The following RUVBL2 variants were observed in gnomAD, a reference collection of about 807,000 sequenced individuals.
The protein encoded by RUVBL2 is ruvB-like 2.
RUVBL2 carries 9 observed loss-of-function variants against 57.9 expected under a neutral mutation model. The ratio of observed to expected loss-of-function variants is 0.16; its 90% CI spans 0.09 to 0.27. The LOEUF (loss-of-function observed/expected upper bound fraction) is 0.27. Ranked by LOEUF, RUVBL2 falls within the 10% of genes least tolerant of loss-of-function variation. RUVBL2 has a pLI of 1.00. For missense variants in RUVBL2, 456 were observed against 669.6 expected (o/e 0.68, Z 3.52); for synonymous variants, 278 against 264.6 (o/e 1.05, Z -0.49).
chr19:49,012,843 C>CCACACACACACA (rs58302006), intron 11 of RUVBL2, among the ~76,000 whole-genome samples: 2,563 of 141,818 alleles, frequency 0.018, 61 homozygotes, highest in African/African-American at 0.053. Flanking sequence ...TCAGTGCCCA[C>CCACACACACACA]CACACACACA....
Position 49,004,210 on chromosome 19 carries a change from C to T in RUVBL2, c.124-67C>T, listed in dbSNP as rs201387529. On this transcript the variant is annotated intron_variant, in intron 3 of 14. Transcript: ENST00000595090. ...ATGTCTGCTTCCATCTCACTAGCTT[C>T]CTGATGTGGTAGAAATGCCATGGTA... The T allele has an allele frequency of 7.4e-4, 1,168 of 1,585,570 alleles. 4 individuals carry two copies. The highest frequency in any genetic ancestry group is 6.9e-4 in the Admixed American group (41 of 59,448).
At chr19:48,999,875 A>G (rs960231551) in intron 2 of RUVBL2, among the ~76,000 whole-genome samples, 2 of 152,170 alleles carry the variant, frequency 1.3e-5, no homozygotes, top group African/African-American at 4.8e-5. Context: ...GATTTTCAGG[A>G]CAGCTAAATC....
intron 8 of RUVBL2, 181 bp downstream of exon 8, chr19:49,010,247 C>T (rs529440054): frequency 5.1e-5 from 36 of 712,374 alleles, no homozygotes; most frequent in African/African-American, 2.0e-4. Context: ...ACTATAGCTT[C>T]GCATGGCCAC....
intron 1 of RUVBL2, chr19:48,994,345 C>A (rs1033948069): frequency 2.2e-5 from 5 of 222,804 alleles, no homozygotes; most frequent in Admixed American, 1.0e-4. Flanking sequence ...CAGGCAGGTA[C>A]CTGTTCAGTG....
intron 3 of RUVBL2, 39 bp downstream of exon 3, chr19:49,003,373 G>A: frequency 6.2e-7 from 1 of 1,600,630 alleles, no homozygotes; most frequent in Admixed American, 1.7e-5. Context: ...GCCTCTCCAT[G>A]AAGGTCTTGG....
rs1428337524 is a variant in RUVBL2, at chr19:49,011,491, CTG to C, written c.1001+185_1001+186del. Among the ~76,000 whole-genome samples, 5 of 152,298 alleles carry C rather than the reference CTG, an allele frequency of 3.3e-5. No individual in the cohort carries two copies. In the East Asian group the frequency reaches 5.8e-4, roughly 18 times the overall value. On this transcript the variant is annotated intron_variant, in intron 11 of 14. Transcript: ENST00000595090. The surrounding 1 kb of genome is among the most constrained non-coding windows in gnomAD (Gnocchi z 4.4). ...TCTGCTTCCCGAGGAAGCCCAGAGA[CTG>C]TGTTCTTGCTGCCTTTCTGTCTTGC... is the stretch of plus-strand genomic sequence containing the variant.
At position 48,998,131 on chromosome 19, in the gene RUVBL2, C is replaced by A. The variant is rs368960551; in HGVS notation, c.13-1188C>A. Among the ~76,000 whole-genome samples, 8 of 152,224 alleles carry A rather than the reference C, an allele frequency of 5.3e-5. No homozygotes were observed. The East Asian group carries it at 1.2e-3, about 22-fold the overall frequency. On this transcript the variant is annotated intron_variant, in intron 1 of 14. Transcript: ENST00000595090. ...TCGGGCTCCCAGGGAGGCCTTTCAT[C>A]TGTCTGAATGTCTAGAGGTCCTAGA...
chr19:49,012,883 A>ACACACC (rs1421444990), intron 11 of RUVBL2, among the ~76,000 whole-genome samples: 8 of 147,270 alleles, frequency 5.4e-5, no homozygotes, highest in Non-Finnish European at 1.2e-4. Context: ...ACACACACAC[A>ACACACC]CCACCCCTGG....
In RUVBL2 at chr19:49,011,337, GA is replaced by G; in HGVS notation, c.1001+31del. 1 of 1,578,400 alleles carries G rather than the reference GA, an allele frequency of 6.3e-7. No individual in the cohort carries two copies. The highest frequency in any genetic ancestry group is 8.7e-7 in the Non-Finnish European group (1 of 1,148,756). On this transcript the variant is annotated intron_variant, in intron 11 of 14. Coordinates refer to ENST00000595090, the MANE Select transcript of RUVBL2 (RefSeq NM_006666.3). The surrounding 1 kb of genome is among the most constrained non-coding windows in gnomAD (Gnocchi z 4.4). ...TGAGCCGGCTACAGGGGCCTCTGGG[GA>G]AAACAGGATGCTCTGGGCAGTGGGT...
intron 14 of RUVBL2, 63 bp from the exon 15 acceptor site, chr19:49,015,754 G>C: frequency 6.2e-7 from 1 of 1,612,316 alleles, no homozygotes; most frequent in Non-Finnish European, 8.5e-7. Context: ...GGAGCTCGGC[G>C]TAGAAGGCTC....
At chr19:49,003,733 G>A (rs533824695) in intron 3 of RUVBL2, among the ~76,000 whole-genome samples, 2 of 151,182 alleles carry the variant, frequency 1.3e-5, no homozygotes, top group East Asian at 3.9e-4. Context: ...GCAATGAGCC[G>A]AGATTGTGCC....
intron 1 of RUVBL2, chr19:48,995,077 CAAG>C (rs1309128611): frequency 5.9e-5 from 9 of 151,958 alleles, no homozygotes; most frequent in African/African-American, 1.5e-4. Flanking sequence ...GTCACCAGGG[CAAG>C]GAGGAGGAGG....
At chr19:49,002,788 T>C (rs1246509458) in intron 2 of RUVBL2, among the ~76,000 whole-genome samples, 1 of 152,142 alleles carries the variant, frequency 6.6e-6, no homozygotes, top group African/African-American at 2.4e-5. Context: ...TTTCACCATG[T>C]TGGCCAGGCT....
At chr19:49,010,896 C>A in intron 9 of RUVBL2, 103 bp from the exon 10 acceptor site, 2 of 1,084,872 alleles carry the variant, frequency 1.8e-6, no homozygotes, top group East Asian at 2.5e-5. Flanking sequence ...GCTTTGCTCC[C>A]CTTCCTCCAT....
intron 8 of RUVBL2, 21 bp from the exon 9 acceptor site, chr19:49,010,467 T>TGCCCCCCCCCCCCCC: frequency 7.9e-6 from 11 of 1,401,200 alleles, no homozygotes; most frequent in Non-Finnish European, 1.1e-5. Context: ...CCGCCGTTCT[T>TGCCCCCCCCCCCCCC]CCCCCACCCC....
intron 6 of RUVBL2, among the ~76,000 whole-genome samples, chr19:49,007,591 A>G (rs947662850): frequency 3.9e-5 from 6 of 152,176 alleles, no homozygotes; most frequent in Non-Finnish European, 7.3e-5. Context: ...AAATAATGAG[A>G]GAGATCTGTT....
chr19:48,995,851 G>A (rs2039046201), intron 1 of RUVBL2, among the ~76,000 whole-genome samples: 1 of 151,942 alleles, frequency 6.6e-6, no homozygotes, highest in Admixed American at 6.6e-5. Context: ...GCCGGGCGTG[G>A]TGGCACATGC....
chr19:49,007,658 G>A (rs1300669382), intron 6 of RUVBL2, among the ~76,000 whole-genome samples: 3 of 152,078 alleles, frequency 2.0e-5, no homozygotes, highest in East Asian at 1.9e-4. Context: ...TTCCGTGGCC[G>A]AAAGGCATGT....
In RUVBL2 at chr19:49,010,998, G is replaced by C; in HGVS notation, c.788-1G>C. On this transcript the variant is annotated splice_acceptor_variant, in intron 9 of 14. Transcript: ENST00000595090. LOFTEE classifies it high-confidence loss of function. ...CCTGATGCAACCTGTGCCTCCCATAGGTGACACAGGGGAGATCAAGTCAGA... is the reference window on the plus strand; with the variant it reads ...CCTGATGCAACCTGTGCCTCCCATACGTGACACAGGGGAGATCAAGTCAGA... The C allele has an allele frequency of 6.2e-7, 1 of 1,611,270 alleles. No individual in the cohort carries two copies. The highest frequency in any genetic ancestry group is 8.5e-7 in the Non-Finnish European group (1 of 1,179,258).
Sources: allele counts gnomAD v4.1 joint callset (sites outside exome capture counted in the v4.1 genomes callset), GRCh38; gene constraint gnomAD v4.1.1; non-coding constraint Gnocchi (gnomAD v3.1); transcripts MANE v1.5; gene names NCBI Gene and HGNC (gene_info 2026-07-23, HGNC 2026-07-21).